Variants in OSBP2 observed in about 807,000 individuals in gnomAD.
OSBP2 encodes oxysterol binding protein 2, also known as oxysterol-binding protein 2.
Under a neutral mutation model 96.0 loss-of-function variants are expected in OSBP2, and 66 were observed. The ratio of observed to expected loss-of-function variants is 0.69; its 90% CI spans 0.56 to 0.84. The LOEUF is 0.84. Among genes scored for constraint, OSBP2 ranks in the 40% least tolerant of loss-of-function variants. The probability of loss-of-function intolerance (pLI) is 0.00; values close to 1 mark genes in which losing one functional copy is unlikely to be tolerated. For missense variants in OSBP2, 1,038 were observed against 1,222.7 expected, an observed-to-expected ratio of 0.85 and a Z score of 2.25; for synonymous variants, 525 against 520.9, an observed-to-expected ratio of 1.01 and a Z score of -0.11.
intron 2 of OSBP2, among the ~76,000 whole-genome samples, chr22:30,868,922 G>A (rs928491956): frequency 5.3e-5 from 8 of 152,212 alleles, no homozygotes; most frequent in Admixed American, 5.2e-4. Context: ...CTTATATCTT[G>A]GGTTACAGAT....
chr22:30,709,994 T>C (rs1451816595), intron 1 of OSBP2, among the ~76,000 whole-genome samples: 1 of 152,130 alleles, frequency 6.6e-6, no homozygotes, highest in African/African-American at 2.4e-5. Flanking sequence ...GCAATTCTCC[T>C]GCTTCAGCCT....
At chr22:30,801,665 G>A (rs1306609215) in intron 2 of OSBP2, among the ~76,000 whole-genome samples, 1 of 152,192 alleles carries the variant, frequency 6.6e-6, no homozygotes, top group Admixed American at 6.5e-5. Context: ...TTAAAAAGTT[G>A]TGGTTGCTTT....
At chr22:30,749,106 A>G (rs1019057275) in intron 2 of OSBP2, among the ~76,000 whole-genome samples, 14 of 152,160 alleles carry the variant, frequency 9.2e-5, no homozygotes, top group Admixed American at 3.9e-4. Context: ...AGACAGAGCG[A>G]GACTCTGTCT....
chr22:30,708,641 A>G (rs1173895229), intron 1 of OSBP2, among the ~76,000 whole-genome samples: 1 of 149,574 alleles, frequency 6.7e-6, no homozygotes, highest in African/African-American at 2.4e-5. Context: ...GGCGCCCACC[A>G]TCATGCCCGG....
At position 30,905,805 on chromosome 22, in the gene OSBP2, A is replaced by AGCCACCGCCACC. The variant is rs201836388; in HGVS notation, c.2376-25_2376-14dup. 8.1e-6 allele frequency: 13 copies of AGCCACCGCCACC among 1,608,332 alleles called. No individual in the cohort carries two copies. In the Admixed American group the frequency reaches 1.0e-4, roughly 12 times the overall value. ...GTAGGTGTGGTCCGGCTCACACCGC[A>AGCCACCGCCACC]GCCACCGCCACCGCCACCACCACCG... On this transcript the variant is annotated intron_variant, in intron 12 of 13. Transcript: ENST00000332585.
At chr22:30,889,149 T>A in intron 5 of OSBP2, 28 bp from the exon 6 acceptor site, 1 of 1,607,284 alleles carries the variant, frequency 6.2e-7, no homozygotes, top group South Asian at 1.1e-5. Context: ...GATTCATTAG[T>A]AACTTGCCTC....
intron 2 of OSBP2, among the ~76,000 whole-genome samples, chr22:30,826,030 G>A (rs1310128424): frequency 1.3e-5 from 2 of 152,112 alleles, no homozygotes; most frequent in Admixed American, 6.6e-5. Flanking sequence ...TGGCAACGGT[G>A]CATCGGCCTC....
chr22:30,741,318 G>A lies in OSBP2; in HGVS notation c.802G>A (p.Ala268Thr), dbSNP rs372468624. 18 of 1,613,296 alleles carry A rather than the reference G, an allele frequency of 1.1e-5. No homozygotes were observed. Among genetic ancestry groups the A allele is most frequent in the Admixed American group, 6.7e-5 (4 of 59,990 alleles). The change falls in exon 2 of 14, where the codon GCC (alanine) becomes ACC (threonine). Residue 268 changes from alanine (A) to threonine (T), a missense_variant. Transcript: ENST00000332585. ...GGTGGACCGGCAGCAGTGGATCACC[G>A]CCCTGGAGCTGGCCAAGGCCAAGGC... Reference protein sequence around the residue: ...SEVDRQQWITALELAKAKAVR... With the variant: ...SEVDRQQWITTLELAKAKAVR...
At chr22:30,748,945 G>C (rs181374886) in intron 2 of OSBP2, among the ~76,000 whole-genome samples, 2 of 152,118 alleles carry the variant, frequency 1.3e-5, no homozygotes, top group Non-Finnish European at 2.9e-5. Context: ...GTGAAACCCC[G>C]TCTGTAATAA....
chr22:30,795,646 A>G (rs1001349403), intron 2 of OSBP2, among the ~76,000 whole-genome samples: 8 of 151,758 alleles, frequency 5.3e-5, no homozygotes, highest in African/African-American at 1.9e-4. Context: ...CAGCCTCCCA[A>G]GTAGCTGGGA....
chr22:30,891,648 C>G lies in OSBP2; in HGVS notation c.1869+675C>G, dbSNP rs561111324. Among the ~76,000 whole-genome samples the G allele has an allele frequency of 2.6e-5, 4 of 151,946 alleles. No individual in the cohort carries two copies. In the South Asian group the frequency reaches 8.3e-4, roughly 32 times the overall value. ...CACACGCAGGGGTGTGGTGGCCAGACCTGGGGGAAGGGGGAGGCCAGAACA... is the reference window on the plus strand; with the variant it reads ...CACACGCAGGGGTGTGGTGGCCAGAGCTGGGGGAAGGGGGAGGCCAGAACA... On this transcript the variant is annotated intron_variant, in intron 8 of 13. Coordinates refer to ENST00000332585, the MANE Select transcript of OSBP2 (RefSeq NM_030758.4).
At chr22:30,861,872 C>T (rs996405754) in intron 2 of OSBP2, among the ~76,000 whole-genome samples, 2 of 152,166 alleles carry the variant, frequency 1.3e-5, no homozygotes, top group Non-Finnish European at 2.9e-5. Flanking sequence ...GCTCAGGGTC[C>T]GAGCGCTGGC....
chr22:30,891,154 C>T (rs935437839), intron 8 of OSBP2, among the ~76,000 whole-genome samples, 181 bp downstream of exon 8: 17 of 152,200 alleles, frequency 1.1e-4, no homozygotes, highest in Admixed American at 2.6e-4. Flanking sequence ...GGCAGGCACA[C>T]GGCCTCCTGG....
chr22:30,826,260 G>A (rs1014278149), intron 2 of OSBP2, among the ~76,000 whole-genome samples: 1 of 152,188 alleles, frequency 6.6e-6, no homozygotes, highest in Non-Finnish European at 1.5e-5. Flanking sequence ...CATCTGCTGA[G>A]GTTCCTGGGA....
chr22:30,860,791 G>A (rs1163041414), intron 2 of OSBP2, among the ~76,000 whole-genome samples: 2 of 152,198 alleles, frequency 1.3e-5, no homozygotes, highest in African/African-American at 4.8e-5. Flanking sequence ...TCTGCCGGCT[G>A]GAGGAAGCTG....
At chr22:30,804,752 C>T (rs1430707273) in intron 2 of OSBP2, among the ~76,000 whole-genome samples, 2 of 152,152 alleles carry the variant, frequency 1.3e-5, no homozygotes, top group South Asian at 2.1e-4. Flanking sequence ...ACCGTATAAA[C>T]ACTTTATATT....
At chr22:30,888,415 T>A in intron 5 of OSBP2, 75 bp downstream of exon 5, 2 of 913,072 alleles carry the variant, frequency 2.2e-6, no homozygotes, top group Non-Finnish European at 3.6e-6. Context: ...ACCAGCTATC[T>A]AGTTGTCTAC....
At chr22:30,771,208 C>A (rs937725311) in intron 2 of OSBP2, among the ~76,000 whole-genome samples, 1 of 152,238 alleles carries the variant, frequency 6.6e-6, no homozygotes, top group Admixed American at 6.5e-5. Flanking sequence ...TCCACTGAGG[C>A]TGCCCCCTTA....
intron 2 of OSBP2, among the ~76,000 whole-genome samples, chr22:30,838,909 A>G (rs1351580174): frequency 3.3e-5 from 5 of 151,346 alleles, no homozygotes; most frequent in Non-Finnish European, 1.5e-5. Flanking sequence ...ATATGTATAC[A>G]TGTGGCATGC....
Sources: gnomAD v4.1 joint callset for allele counts (sites outside exome capture counted in the v4.1 genomes callset) on GRCh38, gnomAD v4.1.1 for gene constraint, MANE v1.5 for transcripts, NCBI Gene and HGNC (gene_info 2026-07-23, HGNC 2026-07-21) for gene names.